ADGB: variants seen among roughly 807,000 people sequenced by gnomAD.
ADGB encodes androglobin.
In ADGB, 172 loss-of-function variants were observed where a neutral mutation model predicts 210.5. That is an observed-to-expected ratio of 0.82 (90% CI 0.72 to 0.93). ADGB has a LOEUF of 0.93. Ranked by LOEUF, ADGB falls within the 40% of genes least tolerant of loss-of-function variation. The pLI is 0.00. For synonymous variants in ADGB, 658 were observed against 662.7 expected (o/e 0.99, Z 0.11); for missense variants, 2,025 against 1,964.8 (o/e 1.03, Z -0.58).
At chr6:146,734,395 C>T (rs908223729) in intron 22 of ADGB, among the ~76,000 whole-genome samples, 1 of 152,168 alleles carries the variant, frequency 6.6e-6, no homozygotes, top group Non-Finnish European at 1.5e-5. Flanking sequence ...TCAGCCTCAG[C>T]TAAGTCATAG....
At chr6:146,747,749 A>G (rs1219552643) in intron 26 of ADGB, among the ~76,000 whole-genome samples, 1 of 150,154 alleles carries the variant, frequency 6.7e-6, no homozygotes, top group East Asian at 2.0e-4. Flanking sequence ...AAAAATATAT[A>G]TATGCATGTG....
intron 29 of ADGB, 98 bp downstream of exon 29, chr6:146,769,229 G>C (rs1024172816): frequency 2.5e-5 from 15 of 599,476 alleles, no homozygotes; most frequent in Non-Finnish European, 3.5e-5. Context: ...AAATATCATT[G>C]TATGATGTTT....
chr6:146,637,812 A>C (rs1280836430), intron 2 of ADGB, among the ~76,000 whole-genome samples: 3 of 152,084 alleles, frequency 2.0e-5, no homozygotes, highest in Non-Finnish European at 4.4e-5. Context: ...CAGATGTACA[A>C]AGACAAGCTG....
At chr6:146,709,879 A>G (rs1365503310) in intron 13 of ADGB, among the ~76,000 whole-genome samples, 1 of 152,018 alleles carries the variant, frequency 6.6e-6, no homozygotes, top group Non-Finnish European at 1.5e-5. Flanking sequence ...AGTTGCTATA[A>G]CCTTTCACCA....
At chr6:146,615,100 G>A (rs979883814) in intron 1 of ADGB, among the ~76,000 whole-genome samples, 2 of 151,824 alleles carry the variant, frequency 1.3e-5, no homozygotes, top group Admixed American at 6.6e-5. Flanking sequence ...GTAGAGACGG[G>A]GTTTCACGTG....
At chr6:146,759,628 T>A (rs1049706654) in intron 27 of ADGB, among the ~76,000 whole-genome samples, 1 of 151,768 alleles carries the variant, frequency 6.6e-6, no homozygotes, top group African/African-American at 2.4e-5. Context: ...GTGTATCTAA[T>A]TTTCTGAATG....
At chr6:146,623,835 G>A (rs1055289921) in intron 1 of ADGB, among the ~76,000 whole-genome samples, 2 of 151,820 alleles carry the variant, frequency 1.3e-5, no homozygotes, top group East Asian at 1.9e-4. Context: ...ATATTTAGAT[G>A]ATCATAATTT....
intron 1 of ADGB, among the ~76,000 whole-genome samples, chr6:146,609,215 G>T (rs1482082475): frequency 6.6e-6 from 1 of 152,044 alleles, no homozygotes; most frequent in Non-Finnish European, 1.5e-5. Flanking sequence ...TTTTCTATTT[G>T]CTTGATAGAT....
chr6:146,692,732 T>A, intron 11 of ADGB, 93 bp from the exon 12 acceptor site: 1 of 540,180 alleles, frequency 1.9e-6, no homozygotes, highest in African/African-American at 1.9e-5. Flanking sequence ...AAATAGTTAA[T>A]CTATCCAGCA....
chr6:146,679,226 A>G (rs879846920), intron 9 of ADGB, among the ~76,000 whole-genome samples: 1 of 152,202 alleles, frequency 6.6e-6, no homozygotes, highest in Non-Finnish European at 1.5e-5. Context: ...ACAATGATCA[A>G]TCTTTACCAC....
At chr6:146,610,695 A>C (rs1352834432) in intron 1 of ADGB, among the ~76,000 whole-genome samples, 1 of 152,078 alleles carries the variant, frequency 6.6e-6, no homozygotes, top group East Asian at 1.9e-4. Flanking sequence ...TGGTTCCTTG[A>C]GGTTAAGCAC....
At chr6:146,780,610 C>A (rs1396918068) in intron 29 of ADGB, among the ~76,000 whole-genome samples, 1 of 152,012 alleles carries the variant, frequency 6.6e-6, no homozygotes, top group African/African-American at 2.4e-5. Context: ...AAAAAAGATA[C>A]TTTAAAATGG....
intron 27 of ADGB, among the ~76,000 whole-genome samples, chr6:146,754,555 A>G (rs1040454605): frequency 1.3e-5 from 2 of 151,906 alleles, no homozygotes; most frequent in Non-Finnish European, 2.9e-5. Flanking sequence ...ATTATATTTT[A>G]TAACTTAGAA....
At chr6:146,717,756 C>G (rs1021544311) in intron 16 of ADGB, among the ~76,000 whole-genome samples, 157 bp downstream of exon 16, 1 of 152,054 alleles carries the variant, frequency 6.6e-6, no homozygotes, top group South Asian at 2.1e-4. Flanking sequence ...CTTATCCAAG[C>G]AATAAGCAAA....
intron 1 of ADGB, among the ~76,000 whole-genome samples, chr6:146,614,737 G>T (rs1780765512): frequency 6.6e-6 from 1 of 152,190 alleles, no homozygotes; most frequent in Non-Finnish European, 1.5e-5. Flanking sequence ...ATAAGGAAAT[G>T]AGGTTGAATT....
At chr6:146,764,535 C>T (rs538712722) in intron 28 of ADGB, among the ~76,000 whole-genome samples, 1 of 151,648 alleles carries the variant, frequency 6.6e-6, no homozygotes, top group East Asian at 1.9e-4. Flanking sequence ...TATGACCTAG[C>T]CATTGGAAAC....
intron 5 of ADGB, 126 bp downstream of exon 5, chr6:146,657,106 C>T (rs1775793651): frequency 2.4e-6 from 2 of 841,186 alleles, no homozygotes; most frequent in African/African-American, 1.7e-5. Context: ...CAGTGGATCA[C>T]CTGAGATCAG....
intron 9 of ADGB, among the ~76,000 whole-genome samples, chr6:146,683,100 C>T (rs1171765830): frequency 6.6e-6 from 1 of 152,038 alleles, no homozygotes; most frequent in Non-Finnish European, 1.5e-5. Flanking sequence ...GGATGACATG[C>T]TTATTTGGCC....
chr6:146,694,191 A>T (rs180947199), intron 12 of ADGB, among the ~76,000 whole-genome samples: 1 of 152,146 alleles, frequency 6.6e-6, no homozygotes, highest in East Asian at 1.9e-4. Context: ...GCTAGCATTC[A>T]TGTTCTGTCT....
Sources: allele counts gnomAD v4.1 joint callset (sites outside exome capture counted in the v4.1 genomes callset), GRCh38; gene constraint gnomAD v4.1.1; transcripts MANE v1.5; gene names NCBI Gene and HGNC (gene_info 2026-07-23, HGNC 2026-07-21).